The following ST3GAL6 variants were observed in gnomAD, a reference collection of about 807,000 sequenced individuals.
ST3GAL6 encodes type 2 lactosamine alpha-2,3-sialyltransferase.
A neutral mutation model predicts 40.5 loss-of-function variants in ST3GAL6; 31 were observed. The observed-to-expected ratio is 0.77, with a 90% CI of 0.58 to 1.03. The LOEUF (loss-of-function observed/expected upper bound fraction) is 1.03, where lower values mean the gene tolerates loss of function less well. ST3GAL6 is among the 50% of genes least tolerant of loss of function. The pLI is 0.00. For synonymous variants in ST3GAL6, 129 were observed against 136.9 expected, an observed-to-expected ratio of 0.94 and a Z score of 0.40; for missense variants, 357 against 393.2, an observed-to-expected ratio of 0.91 and a Z score of 0.78.
chr3:98,741,747 G>T (rs1427305422), intron 1 of ST3GAL6, among the ~76,000 whole-genome samples: 2 of 152,120 alleles, frequency 1.3e-5, no homozygotes, highest in Non-Finnish European at 2.9e-5. Flanking sequence ...TGGACTTGGG[G>T]CTTACAATAT....
intron 1 of ST3GAL6, among the ~76,000 whole-genome samples, chr3:98,735,319 C>G (rs987745298): frequency 6.6e-6 from 1 of 152,190 alleles, no homozygotes; most frequent in Admixed American, 6.5e-5. Flanking sequence ...ATATCTTTCT[C>G]CTTTGCCTGG....
chr3:98,770,812 G>A (rs1559741070), intron 2 of ST3GAL6, 67 bp from the exon 3 acceptor site: 12 of 1,364,892 alleles, frequency 8.8e-6, no homozygotes, highest in Non-Finnish European at 1.0e-5. Context: ...AGTTCCCAGG[G>A]CATTTGCTTC....
Position 98,768,411 on chromosome 3 carries a change from T to C in ST3GAL6, c.-11-19T>C. 6.3e-7 allele frequency: 1 copy of C among 1,599,172 alleles called. No individual in the cohort carries two copies. ...TAACAACCTGGCCTTTGCTTTGGAC[T>C]TCATTCCTTGTGTTTCAGGTGAGCC... On this transcript the variant is annotated intron_variant, in intron 1 of 9. Transcript: ENST00000483910.
chr3:98,776,864 C>T (rs767435927), intron 5 of ST3GAL6, among the ~76,000 whole-genome samples: 3 of 152,174 alleles, frequency 2.0e-5, no homozygotes, highest in Non-Finnish European at 4.4e-5. Flanking sequence ...TCAGATATCT[C>T]GTCCAGCATG....
intron 1 of ST3GAL6, among the ~76,000 whole-genome samples, chr3:98,742,633 C>G (rs2107289580): frequency 6.6e-6 from 1 of 152,200 alleles, no homozygotes; most frequent in South Asian, 2.1e-4. Flanking sequence ...ATAGAAGTTG[C>G]CAATCTACTG....
At chr3:98,751,032 A>G (rs1488654016) in intron 1 of ST3GAL6, among the ~76,000 whole-genome samples, 1 of 145,258 alleles carries the variant, frequency 6.9e-6, no homozygotes, top group Non-Finnish European at 1.5e-5. Context: ...CAACTTATCC[A>G]GACTAAATAA....
chr3:98,765,626 A>G (rs992126032), intron 1 of ST3GAL6, among the ~76,000 whole-genome samples: 1 of 152,198 alleles, frequency 6.6e-6, no homozygotes, highest in African/African-American at 2.4e-5. Context: ...ATATGTGAAC[A>G]TTTGTCCTCT....
rs189612618 is a variant in ST3GAL6, at chr3:98,755,544, A to G, written c.-11-12886A>G. On this transcript the variant is annotated intron_variant, in intron 1 of 9. Transcript: ENST00000265261. Reference sequence around the variant, plus strand: ...TCATTTTCTGCTTTTAAGAAACAGCACAAGGGTTAATGAGATATTCATGCA... The same window carrying G: ...TCATTTTCTGCTTTTAAGAAACAGCGCAAGGGTTAATGAGATATTCATGCA... Among the ~76,000 whole-genome samples, 4 of 152,328 alleles carry G rather than the reference A, an allele frequency of 2.6e-5. No homozygotes were observed. The East Asian group carries it at 5.8e-4, about 22-fold the overall frequency.
At chr3:98,772,026 T>C (rs544694468) in intron 3 of ST3GAL6, among the ~76,000 whole-genome samples, 1 of 152,320 alleles carries the variant, frequency 6.6e-6, no homozygotes, top group East Asian at 1.9e-4. Flanking sequence ...CACATACGGG[T>C]TGCAGACCAC....
chr3:98,733,229 C>G (rs1935202999), intron 1 of ST3GAL6: 1 of 962,082 alleles, frequency 1.0e-6, no homozygotes, highest in Non-Finnish European at 1.2e-6. Context: ...CGCGAGCCAG[C>G]CGGCGTGCGC....
intron 1 of ST3GAL6, among the ~76,000 whole-genome samples, chr3:98,741,640 A>G (rs1426495160): frequency 3.9e-5 from 6 of 152,174 alleles, no homozygotes; most frequent in African/African-American, 1.4e-4. Context: ...TTAGAGGCCT[A>G]TGGCTTATAT....
At chr3:98,783,579 A>T (rs780130596) in intron 5 of ST3GAL6, 1 of 984,154 alleles carries the variant, frequency 1.0e-6, no homozygotes, top group Non-Finnish European at 1.2e-6. Flanking sequence ...AGAAAAAAGA[A>T]ATAAAAAAAA....
At chr3:98,748,278 T>G (rs1936715303) in intron 1 of ST3GAL6, among the ~76,000 whole-genome samples, 1 of 152,174 alleles carries the variant, frequency 6.6e-6, no homozygotes, top group Non-Finnish European at 1.5e-5. Flanking sequence ...CCTTGATACC[T>G]TTTAGCTTAA....
At chr3:98,764,123 C>G (rs190853241) in intron 1 of ST3GAL6, among the ~76,000 whole-genome samples, 2 of 152,234 alleles carry the variant, frequency 1.3e-5, no homozygotes, top group Non-Finnish European at 2.9e-5. Context: ...CTTGGTGTTG[C>G]ATATTGACTG....
At chr3:98,768,796 T>C (rs1018767954) in intron 2 of ST3GAL6, among the ~76,000 whole-genome samples, 1 of 152,222 alleles carries the variant, frequency 6.6e-6, no homozygotes, top group Non-Finnish European at 1.5e-5. Flanking sequence ...TCTTTCTTTA[T>C]GCTATAGATC....
chr3:98,758,343 T>C (rs1937543996), upstream of ST3GAL6, among the ~76,000 whole-genome samples: 1 of 152,212 alleles, frequency 6.6e-6, no homozygotes. Flanking sequence ...ATGAAACCTA[T>C]TTCATGAAAC....
At chr3:98,768,562 T>G (rs1938625763) in intron 2 of ST3GAL6, 33 bp downstream of exon 2, 1 of 1,477,624 alleles carries the variant, frequency 6.8e-7, no homozygotes, top group African/African-American at 1.4e-5. Context: ...AAAATAACTC[T>G]CAACCTAGTC....
intron 1 of ST3GAL6, among the ~76,000 whole-genome samples, chr3:98,747,758 A>C (rs906603286): frequency 6.6e-6 from 1 of 152,246 alleles, no homozygotes; most frequent in Non-Finnish European, 1.5e-5. Flanking sequence ...TGTATTTGCT[A>C]TTCAAATGTT....
chr3:98,744,047 A>C (rs1011400676), intron 1 of ST3GAL6, among the ~76,000 whole-genome samples: 1 of 152,322 alleles, frequency 6.6e-6, no homozygotes, highest in South Asian at 2.1e-4. Flanking sequence ...CAATATGATT[A>C]GTGTCCAGGT....
Sources: gnomAD v4.1 joint callset for allele counts (sites outside exome capture counted in the v4.1 genomes callset) on GRCh38, gnomAD v4.1.1 for gene constraint, MANE v1.5 for transcripts, NCBI Gene and HGNC (gene_info 2026-07-23, HGNC 2026-07-21) for gene names.